DLG2: variants seen among roughly 807,000 people sequenced by gnomAD.
The protein encoded by DLG2 is disks large homolog 2.
In DLG2, 45 loss-of-function variants were observed where a neutral mutation model predicts 132.5. The ratio of observed to expected loss-of-function variants is 0.34; its 90% confidence interval spans 0.27 to 0.44. The LOEUF is 0.44. DLG2 is among the 20% of genes least tolerant of loss of function. The probability of loss-of-function intolerance (pLI) is 1.00; values close to 1 mark genes in which losing one functional copy is unlikely to be tolerated. For synonymous variants in DLG2, 424 were observed against 419.6 expected (o/e 1.01, Z -0.13); for missense variants, 1,045 against 1,196.9 (o/e 0.87, Z 1.87).
intron 6 of DLG2, among the ~76,000 whole-genome samples, chr11:84,956,024 G>A: frequency 6.6e-6 from 1 of 152,272 alleles, no homozygotes; most frequent in East Asian, 1.9e-4. Context: ...AGCAGAATAA[G>A]GGCCGGCAAG....
chr11:85,413,821 A>G (rs958768380), intron 3 of DLG2, among the ~76,000 whole-genome samples: 4 of 152,020 alleles, frequency 2.6e-5, no homozygotes, highest in Non-Finnish European at 4.4e-5. Flanking sequence ...AATAGTTTGA[A>G]ATCAGGTAAT....
intron 6 of DLG2, among the ~76,000 whole-genome samples, chr11:85,107,871 C>A (rs1278984163): frequency 1.6e-5 from 2 of 124,976 alleles, no homozygotes; most frequent in African/African-American, 3.0e-5. Context: ...AGTATAATTT[C>A]TTTTCTGCTC....
chr11:85,392,207 A>C (rs2086857553), intron 3 of DLG2, among the ~76,000 whole-genome samples: 1 of 152,156 alleles, frequency 6.6e-6, no homozygotes, highest in South Asian at 2.1e-4. Flanking sequence ...AGAAAATAAA[A>C]TACTTAGGAA....
chr11:85,471,168 T>C (rs990383205), intron 3 of DLG2, among the ~76,000 whole-genome samples: 1 of 152,148 alleles, frequency 6.6e-6, no homozygotes, highest in African/African-American at 2.4e-5. Context: ...TGACTTAGAC[T>C]CTCACCATAT....
At chr11:85,337,460 G>A (rs746896759) in intron 3 of DLG2, among the ~76,000 whole-genome samples, 4 of 152,048 alleles carry the variant, frequency 2.6e-5, no homozygotes, top group African/African-American at 4.8e-5. Context: ...GAATTACCTC[G>A]GGTATTTATG....
chr11:84,604,081 G>T (rs914565350), intron 6 of DLG2, among the ~76,000 whole-genome samples: 1 of 151,802 alleles, frequency 6.6e-6, no homozygotes, highest in African/African-American at 2.4e-5. Context: ...TATAAGATAG[G>T]TACTATTAGT....
In DLG2 at chr11:85,455,451, G is replaced by A. The variant is rs576564084; in HGVS notation, c.40+143206C>T. ...GAGACTATAGAGTTTGCTAGATATT[G>A]AATCATGTCATCTGCAAGCAGGGAT... On this transcript the variant is annotated intron_variant, in intron 3 of 27. Transcript: ENST00000376104. Among the ~76,000 whole-genome samples the A allele has an allele frequency of 1.4e-3, 206 of 152,212 alleles. 1 individual carries two copies. The highest frequency in any genetic ancestry group is 4.9e-3 in the African/African-American group (204 of 41,540).
chr11:83,941,772 T>A (rs1354286399), intron 14 of DLG2, among the ~76,000 whole-genome samples: 1 of 152,184 alleles, frequency 6.6e-6, no homozygotes, highest in African/African-American at 2.4e-5. Context: ...TTTATATCTA[T>A]CCCCATATAC....
At chr11:85,394,055 T>C (rs146383269) in intron 3 of DLG2, among the ~76,000 whole-genome samples, 20 of 152,266 alleles carry the variant, frequency 1.3e-4, no homozygotes, top group East Asian at 3.9e-4. Flanking sequence ...AAAAAACCTA[T>C]TGAAATATTT....
At chr11:85,100,707 A>T (rs900343587) in intron 6 of DLG2, among the ~76,000 whole-genome samples, 3 of 151,982 alleles carry the variant, frequency 2.0e-5, no homozygotes, top group African/African-American at 7.3e-5. Flanking sequence ...TTCCTTCAAC[A>T]CCACCCCACC....
intron 6 of DLG2, among the ~76,000 whole-genome samples, chr11:84,885,724 G>A (rs530496130): frequency 3.9e-5 from 6 of 152,118 alleles, no homozygotes; most frequent in Non-Finnish European, 8.8e-5. Flanking sequence ...ATGAAATGTG[G>A]CTCCCGCTAT....
At chr11:84,985,134 C>T (rs879346996) in intron 6 of DLG2, among the ~76,000 whole-genome samples, 1 of 152,112 alleles carries the variant, frequency 6.6e-6, no homozygotes, top group Admixed American at 6.5e-5. Context: ...ATTGACTTAA[C>T]ATATTTACAG....
intron 4 of DLG2, among the ~76,000 whole-genome samples, chr11:85,200,221 G>A (rs2081364494): frequency 6.6e-6 from 1 of 152,130 alleles, no homozygotes; most frequent in African/African-American, 2.4e-5. Context: ...CAGCCCACTT[G>A]CCAAAGAGCT....
At chr11:84,878,035 T>C (rs900949489) in intron 6 of DLG2, among the ~76,000 whole-genome samples, 2 of 152,168 alleles carry the variant, frequency 1.3e-5, no homozygotes, top group African/African-American at 2.4e-5. Flanking sequence ...CCAGTGAGAA[T>C]GGCAATCATT....
chr11:83,911,590 C>G (rs2076058182), intron 15 of DLG2, among the ~76,000 whole-genome samples: 2 of 152,038 alleles, frequency 1.3e-5, no homozygotes, highest in African/African-American at 4.8e-5. Context: ...AATTGTCCAT[C>G]TCATGTGTTA....
intron 6 of DLG2, among the ~76,000 whole-genome samples, chr11:84,809,724 A>T (rs975223896): frequency 6.6e-5 from 10 of 152,054 alleles, no homozygotes; most frequent in Admixed American, 6.5e-4. Flanking sequence ...AAAACTATAA[A>T]ATAATGATAA....
intron 4 of DLG2, among the ~76,000 whole-genome samples, chr11:85,207,564 C>T (rs1391932689): frequency 6.6e-6 from 1 of 152,118 alleles, no homozygotes; most frequent in Non-Finnish European, 1.5e-5. Flanking sequence ...ATGCAATTCT[C>T]AGTGCTTAAC....
At chr11:84,912,063 C>A (rs1254499979) in intron 6 of DLG2, among the ~76,000 whole-genome samples, 2 of 152,306 alleles carry the variant, frequency 1.3e-5, no homozygotes, top group Admixed American at 1.3e-4. Flanking sequence ...AAATGTTCAG[C>A]TACATAAGCC....
intron 7 of DLG2, among the ~76,000 whole-genome samples, chr11:84,524,879 T>C (rs1312193468): frequency 6.7e-6 from 1 of 150,276 alleles, no homozygotes; most frequent in Admixed American, 6.7e-5. Flanking sequence ...ATTAATCAAA[T>C]ACGTATTTTA....
Sources: allele counts gnomAD v4.1 joint callset (sites outside exome capture counted in the v4.1 genomes callset), GRCh38; gene constraint gnomAD v4.1.1; transcripts MANE v1.5; gene names NCBI Gene and HGNC (gene_info 2026-07-23, HGNC 2026-07-21).